SRRM4: variants seen among roughly 807,000 people sequenced by gnomAD.
The protein encoded by SRRM4 is serine/arginine repetitive matrix 4, also known as serine/arginine repetitive matrix protein 4.
SRRM4 carries 33 observed loss-of-function variants against 68.9 expected under a neutral mutation model. The ratio of observed to expected loss-of-function variants is 0.48; its 90% confidence interval spans 0.36 to 0.64. The LOEUF is 0.64. SRRM4 is among the 30% of genes least tolerant of loss of function. SRRM4 has a pLI of 0.00. For missense variants in SRRM4, 817 were observed against 827.1 expected (o/e 0.99, Z 0.15); for synonymous variants, 318 against 318.8 (o/e 1.00, Z 0.03).
In SRRM4 at chr12:119,145,370, T is replaced by C. The variant is rs771556154; in HGVS notation, c.772-11T>C. ...CGCTCAGCAGTGTCCAACGGGTCTT[T>C]TTGCTTTCAGATCACTGGGTCGGGG... On this transcript the variant is annotated splice_polypyrimidine_tract_variant and intron_variant, in intron 8 of 12. Transcript: ENST00000267260. The C allele has an allele frequency of 2.1e-5, 34 of 1,596,848 alleles. No individual in the cohort carries two copies. Among genetic ancestry groups the C allele is most frequent in the Non-Finnish European group, 2.7e-5 (32 of 1,171,254 alleles).
chr12:119,098,917 C>A (rs757770991), intron 1 of SRRM4, among the ~76,000 whole-genome samples: 2 of 152,196 alleles, frequency 1.3e-5, no homozygotes, highest in Non-Finnish European at 2.9e-5. Flanking sequence ...TGGACTATTG[C>A]AACCATTTCC....
At chr12:119,125,579 T>G in intron 7 of SRRM4, 100 bp downstream of exon 7, 1 of 1,024,898 alleles carries the variant, frequency 9.8e-7, no homozygotes, top group Non-Finnish European at 1.4e-6. Context: ...AGCACAGGGT[T>G]TGGCCCCCTT....
rs529001202 is a variant in SRRM4 at position 119,154,040 on chromosome 12, C to G, written c.1392-203C>G. On this transcript the variant is annotated intron_variant, in intron 11 of 12. Transcript: ENST00000267260. This position sits in a 1 kb window ranked among gnomAD's most constrained non-coding sequence, Gnocchi z 4.7. The stretch of plus-strand genomic sequence containing the variant: ...TGCTGACACCCCTGCACAAGCCCAG[C>G]CCCCACCCCTACGGTACTAACAACC... Among the ~76,000 whole-genome samples the G allele has an allele frequency of 7.8e-6, 1 of 128,754 alleles. No homozygotes were observed. The highest frequency in any genetic ancestry group is 7.4e-5 in the Admixed American group (1 of 13,476). 84.5% of individuals were successfully genotyped at this position (128,754 alleles called of 152,430 possible).
chr12:119,106,024 A>T (rs1435354934), intron 2 of SRRM4, among the ~76,000 whole-genome samples: 1 of 152,208 alleles, frequency 6.6e-6, no homozygotes, highest in Non-Finnish European at 1.5e-5. Context: ...AGCTTTCTAC[A>T]TATGGCTAGC....
chr12:118,989,233 G>A (rs1475027300), intron 1 of SRRM4, among the ~76,000 whole-genome samples: 1 of 152,140 alleles, frequency 6.6e-6, no homozygotes, highest in Admixed American at 6.5e-5. Flanking sequence ...TGCAGCCAGT[G>A]ATGACTTTGA....
At chr12:119,153,389 T>C (rs1954451023) in intron 10 of SRRM4, 150 bp from the exon 11 acceptor site, 16 of 602,722 alleles carry the variant, frequency 2.7e-5, no homozygotes, top group Non-Finnish European at 4.2e-5. Flanking sequence ...GGAGGGGCTT[T>C]CATTCTTTGA....
intron 1 of SRRM4, among the ~76,000 whole-genome samples, chr12:119,061,697 C>T (rs912986202): frequency 2.6e-5 from 4 of 152,046 alleles, no homozygotes; most frequent in African/African-American, 7.2e-5. Flanking sequence ...TAGATGTGTC[C>T]TATAACTTAG....
At chr12:119,045,930 C>G (rs1953704678) in intron 1 of SRRM4, among the ~76,000 whole-genome samples, 1 of 151,968 alleles carries the variant, frequency 6.6e-6, no homozygotes. Context: ...CCCAGCTACT[C>G]AGGAGGCTGA....
intron 1 of SRRM4, among the ~76,000 whole-genome samples, chr12:119,026,169 A>C (rs915986802): frequency 3.3e-5 from 5 of 151,974 alleles, no homozygotes; most frequent in African/African-American, 1.2e-4. Context: ...ATTTTAAGCA[A>C]TTTATGTCAT....
intron 1 of SRRM4, among the ~76,000 whole-genome samples, chr12:119,055,797 G>A (rs1169927240): frequency 6.6e-6 from 1 of 152,246 alleles, no homozygotes; most frequent in Non-Finnish European, 1.5e-5. Context: ...TTCCTCACCT[G>A]TGAAATGGGA....
intron 7 of SRRM4, among the ~76,000 whole-genome samples, chr12:119,128,131 T>C (rs565089185): frequency 2.0e-5 from 3 of 152,244 alleles, no homozygotes; most frequent in African/African-American, 7.2e-5. Context: ...CTGCTGAACA[T>C]CAATAATTTC....
intron 8 of SRRM4, among the ~76,000 whole-genome samples, chr12:119,137,102 CT>C (rs373994308): frequency 0.088 from 12,636 of 143,968 alleles, 681 homozygotes; most frequent in Non-Finnish European, 0.12. Context: ...GAAACAAAAG[CT>C]TTTTTTTTTT....
chr12:119,038,919 T>A (rs1953647268), intron 1 of SRRM4, among the ~76,000 whole-genome samples: 1 of 152,218 alleles, frequency 6.6e-6, no homozygotes, highest in Non-Finnish European at 1.5e-5. Flanking sequence ...GGAGCTGAAC[T>A]GGCCTGAAGA....
chr12:119,002,134 G>T (rs886289926), intron 1 of SRRM4, among the ~76,000 whole-genome samples: 1 of 151,978 alleles, frequency 6.6e-6, no homozygotes, highest in Admixed American at 6.6e-5. Flanking sequence ...GCCCTGAGGG[G>T]TTAAACATGA....
At chr12:119,006,145 G>A (rs1221130987) in intron 1 of SRRM4, among the ~76,000 whole-genome samples, 2 of 152,286 alleles carry the variant, frequency 1.3e-5, no homozygotes, top group Middle Eastern at 3.4e-3. Flanking sequence ...GGAGCTTTCC[G>A]TTCTCTCTCT....
At chr12:119,153,491 C>G (rs757489676) in intron 10 of SRRM4, 48 bp from the exon 11 acceptor site, 2 of 1,297,200 alleles carry the variant, frequency 1.5e-6, no homozygotes, top group Admixed American at 2.0e-5. Flanking sequence ...TTGGATAACC[C>G]AGGCGGACAC....
At chr12:119,068,670 C>A (rs1953860441) in intron 1 of SRRM4, among the ~76,000 whole-genome samples, 1 of 152,088 alleles carries the variant, frequency 6.6e-6, no homozygotes, top group South Asian at 2.1e-4. Context: ...TGCCACAGAG[C>A]TTCTATTGCT....
intron 1 of SRRM4, among the ~76,000 whole-genome samples, chr12:119,095,018 C>T (rs1332462658): frequency 6.6e-6 from 1 of 152,244 alleles, no homozygotes; most frequent in African/African-American, 2.4e-5. Flanking sequence ...ATGTCTCCCA[C>T]AGCAGTGCTG....
At chr12:119,073,312 C>CTTT (rs71451813) in intron 1 of SRRM4, among the ~76,000 whole-genome samples, 20,629 of 101,530 alleles carry the variant, frequency 0.2, 2,202 homozygotes, top group Middle Eastern at 0.43. Flanking sequence ...TCTCTCTCCT[C>CTTT]TTTTTTTTTT....
Sources: allele counts gnomAD v4.1 joint callset (sites outside exome capture counted in the v4.1 genomes callset), GRCh38; gene constraint gnomAD v4.1.1; non-coding constraint Gnocchi (gnomAD v3.1); transcripts MANE v1.5; gene names NCBI Gene and HGNC (gene_info 2026-07-23, HGNC 2026-07-21).